USP32: variants seen among roughly 807,000 people sequenced by gnomAD.
The protein encoded by USP32 is ubiquitin specific peptidase 32.
In USP32, 59 loss-of-function variants were observed where a neutral mutation model predicts 204.8. That is an observed-to-expected ratio of 0.29 (90% CI 0.23 to 0.36). The LOEUF (loss-of-function observed/expected upper bound fraction) is 0.36. USP32 is among the 10% of genes least tolerant of loss of function. The probability of loss-of-function intolerance (pLI) is 1.00; values close to 1 mark genes in which losing one functional copy is unlikely to be tolerated. For synonymous variants in USP32, 517 were observed against 678.4 expected (o/e 0.76, Z 3.70); for missense variants, 1,160 against 1,946.4 (o/e 0.60, Z 7.60).
At chr17:60,188,187 C>T (rs2084296325) in intron 29 of USP32, among the ~76,000 whole-genome samples, 1 of 152,018 alleles carries the variant, frequency 6.6e-6, no homozygotes, top group Non-Finnish European at 1.5e-5. Flanking sequence ...CATCATATTG[C>T]CCAGGCTGGC....
chr17:60,181,536 T>C lies in USP32; in HGVS notation c.4336A>G (p.Ser1446Gly), dbSNP rs754716596. The change falls in exon 32 of 34, where the codon AGT becomes GGT. Residue 1446 changes from serine to glycine, a missense_variant. Transcript: ENST00000300896. ...GQICELADAL[S>G]RGHVLGGSQP... ...CTGCCCCCCAGCACATGCCCTCGACTCAAGGCGTCAGCCAGCTCACATATC... is the reference window on the plus strand; with the variant it reads ...CTGCCCCCCAGCACATGCCCTCGACCCAAGGCGTCAGCCAGCTCACATATC... The C allele has an allele frequency of 6.2e-7, 1 of 1,613,974 alleles. No individual in the cohort carries two copies. The highest frequency in any genetic ancestry group is 8.5e-7 in the Non-Finnish European group (1 of 1,179,858).
chr17:60,286,565 T>C (rs2087119099), intron 5 of USP32, among the ~76,000 whole-genome samples: 1 of 152,206 alleles, frequency 6.6e-6, no homozygotes, highest in African/African-American at 2.4e-5. Flanking sequence ...TAGGGGTCCC[T>C]GCATGCATGG....
chr17:60,349,618 TATATATTA>T lies in USP32; in HGVS notation c.59-4018_59-4011del, dbSNP rs1475556015. Among the ~76,000 whole-genome samples the T allele has an allele frequency of 4.7e-3, 326 of 69,444 alleles. 5 individuals carry two copies. Among genetic ancestry groups the T allele is most frequent in the African/African-American group, 0.033 (289 of 8,646 alleles). 45.6% of individuals were successfully genotyped at this position (69,444 alleles called of 152,430 possible). ...AAAAATATATATATATATATATATA[TATATATTA>T]TATATATATATATATATTATATATA... On this transcript the variant is annotated intron_variant, in intron 1 of 33. Transcript: ENST00000300896.
At chr17:60,256,829 T>C in intron 9 of USP32, 4 of 987,620 alleles carry the variant, frequency 4.1e-6, no homozygotes, top group Non-Finnish European at 5.3e-6. Context: ...GAATTCTGGA[T>C]TGGGCCAGTC....
chr17:60,220,983 G>A, intron 15 of USP32, among the ~76,000 whole-genome samples: 1 of 139,698 alleles, frequency 7.2e-6, no homozygotes, highest in Admixed American at 6.8e-5. Flanking sequence ...ACTCTGTACA[G>A]AGTCTTTTAA....
exon 1 of USP32, chr17:60,422,326 C>G (rs1165652421): frequency 4.0e-6 from 3 of 743,294 alleles, no homozygotes; most frequent in Non-Finnish European, 5.9e-6. Context: ...TGCGCTCTGC[C>G]AAAGTCTTCG....
At chr17:60,384,832 G>A (rs1394782768) in intron 1 of USP32, among the ~76,000 whole-genome samples, 3 of 152,102 alleles carry the variant, frequency 2.0e-5, no homozygotes, top group Admixed American at 6.5e-5. Context: ...GCCTGGCTGG[G>A]CGTGGTGGCT....
intron 11 of USP32, among the ~76,000 whole-genome samples, chr17:60,244,038 T>TTTTTTTTTTTTTTTTG (rs2085948515): frequency 7.3e-6 from 1 of 136,110 alleles, no homozygotes; most frequent in African/African-American, 2.9e-5. Context: ...TGTTTTTTTT[T>TTTTTTTTTTTTTTTTG]TTTTTTTTTT....
intron 27 of USP32, among the ~76,000 whole-genome samples, chr17:60,195,467 A>T (rs2084490537): frequency 6.6e-6 from 1 of 152,164 alleles, no homozygotes; most frequent in Non-Finnish European, 1.5e-5. Flanking sequence ...CCACCCAAGT[A>T]GCTGGGATTA....
rs552106675 is a variant in USP32, at chr17:60,372,050, CAG to C, written c.58+19830_58+19831del. 1.4e-3 allele frequency among the ~76,000 whole-genome samples: 208 copies of C among 152,088 alleles called. 1 individual carries two copies. Among genetic ancestry groups the C allele is most frequent in the African/African-American group, 4.9e-3 (204 of 41,460 alleles). On this transcript the variant is annotated intron_variant, in intron 1 of 33. Transcript: ENST00000300896. Reference sequence around the variant, plus strand: ...TAACTATTGCGGTAGGATTAAGTAACAGGGAGAGGGGAAGGGGAAGTGGCTAA... The same window carrying C: ...TAACTATTGCGGTAGGATTAAGTAACGGAGAGGGGAAGGGGAAGTGGCTAA...
At position 60,219,722 on chromosome 17, in the gene USP32, C is replaced by G. The variant is rs143795688; in HGVS notation, c.1815G>C (p.Leu605=). The part of the protein sequence containing the change: ...LELFPRYLLF[L]RQQPATRTQQ... The stretch of plus-strand genomic sequence containing the variant: ...GTGTCCGAGTGGCAGGCTGCTGTCT[C>G]AGGAAGAGAAGATAGCGGGGAAATA... The change falls in exon 16 of 34, where the codon CTG becomes CTC. Residue 605 remains leucine (L), a synonymous_variant. Transcript: ENST00000300896. 7 of 1,613,478 alleles carry G rather than the reference C, an allele frequency of 4.3e-6. No homozygotes were observed. In the African/African-American group the frequency reaches 8.0e-5, roughly 18 times the overall value.
intron 2 of USP32, among the ~76,000 whole-genome samples, chr17:60,333,744 G>A (rs1567857980): frequency 6.6e-6 from 1 of 152,046 alleles, no homozygotes; most frequent in Non-Finnish European, 1.5e-5. Flanking sequence ...AAAAGGAAAG[G>A]AAAGAAAATC....
chr17:60,295,512 C>CT (rs2087405944), intron 3 of USP32, among the ~76,000 whole-genome samples: 3 of 152,296 alleles, frequency 2.0e-5, no homozygotes, highest in African/African-American at 7.2e-5. Flanking sequence ...AATTCATAAA[C>CT]TTTAAATTGC....
intron 9 of USP32, among the ~76,000 whole-genome samples, chr17:60,261,205 T>C (rs2145746749): frequency 6.6e-6 from 1 of 152,308 alleles, no homozygotes; most frequent in Middle Eastern, 3.4e-3. Flanking sequence ...TAACAGCTAG[T>C]GTAAACCCAT....
chr17:60,201,989 C>T (rs887688897), intron 26 of USP32, among the ~76,000 whole-genome samples: 1 of 152,208 alleles, frequency 6.6e-6, no homozygotes, highest in Non-Finnish European at 1.5e-5. Context: ...CCAATTTAAT[C>T]TTTTCTTTTA....
intron 11 of USP32, among the ~76,000 whole-genome samples, chr17:60,244,029 GTTTTTTTTT>G (rs34842511): frequency 2.8e-5 from 2 of 71,692 alleles, no homozygotes; most frequent in African/African-American, 1.4e-4. Context: ...GCTGGATTGT[GTTTTTTTTT>G]TTTTTTTTTT....
intron 1 of USP32, among the ~76,000 whole-genome samples, chr17:60,388,710 T>C (rs1335763012): frequency 2.6e-5 from 4 of 152,096 alleles, no homozygotes; most frequent in Non-Finnish European, 1.5e-5. Context: ...AAATAAAAGC[T>C]ACCAGTAATA....
At chr17:60,264,851 C>G (rs1302441836) in intron 9 of USP32, among the ~76,000 whole-genome samples, 1 of 108,494 alleles carries the variant, frequency 9.2e-6, no homozygotes, top group Non-Finnish European at 1.7e-5. Context: ...CAGAGCAAGA[C>G]TCTGTCAAAA....
rs763861492 is a variant in USP32 at position 60,181,496 on chromosome 17, A to T, written c.4376T>A (p.Val1459Asp). 4 of 1,613,996 alleles carry T rather than the reference A, an allele frequency of 2.5e-6. No homozygotes were observed. In the South Asian group the frequency reaches 3.3e-5, roughly 13 times the overall value. ...AGCTACCTCATGGTCCTGAGGAGTG[A>T]CCAACTCTGGTTGGCTGCCCCCCAG... ...HVLGGSQPEL[V>D]TPQDHEVALA... Residue 1459 changes from valine (V) to aspartate (D), a missense_variant, in exon 32 of 34, where the codon GTC becomes GAC. Val to Asp is a radical substitution (Grantham distance 152, BLOSUM62 -3). Coordinates refer to ENST00000300896, the MANE Select transcript of USP32 (RefSeq NM_032582.4).
Sources: allele counts gnomAD v4.1 joint callset (sites outside exome capture counted in the v4.1 genomes callset), GRCh38; gene constraint gnomAD v4.1.1; transcripts MANE v1.5; gene names NCBI Gene and HGNC (gene_info 2026-07-23, HGNC 2026-07-21).